The following RAC2 variants were observed in gnomAD, a reference collection of about 807,000 sequenced individuals.
RAC2 encodes the protein ras-related C3 botulinum toxin substrate 2.
In RAC2, 1 loss-of-function variant was observed where a neutral mutation model predicts 24.0. The observed-to-expected ratio is 0.04, with a 90% CI of 0.01 to 0.20. RAC2 has a LOEUF of 0.20. Among genes scored for constraint, RAC2 ranks in the 10% least tolerant of loss-of-function variants. The pLI, the probability that RAC2 is intolerant of heterozygous loss-of-function variation, is 1.00. For synonymous variants in RAC2, 114 were observed against 106.8 expected (o/e 1.07, Z -0.41); for missense variants, 130 against 259.1 (o/e 0.50, Z 3.42).
chr22:37,228,881 C>T (rs566576378), intron 5 of RAC2, among the ~76,000 whole-genome samples: 36 of 152,202 alleles, frequency 2.4e-4, no homozygotes, highest in Non-Finnish European at 4.0e-4. Flanking sequence ...CTCCCCTCTA[C>T]CTGGAGGCAT....
rs962949440 is a variant in RAC2, at chr22:37,225,534, G to C, written c.*508C>G. Reference sequence around the variant, plus strand: ...TTCCAAAAGAGGAGAACTGAGGCCAGAGGAGCACACTTCTGAGACACTCAT... The same window carrying C: ...TTCCAAAAGAGGAGAACTGAGGCCACAGGAGCACACTTCTGAGACACTCAT... On this transcript the variant is annotated 3_prime_UTR_variant, in exon 7 of 7. Coordinates refer to ENST00000249071, the MANE Select transcript of RAC2 (RefSeq NM_002872.5). 3.9e-5 allele frequency: 6 copies of C among 152,216 alleles called. No individual in the cohort carries two copies. Among genetic ancestry groups the C allele is most frequent in the African/African-American group, 1.4e-4 (6 of 41,432 alleles). 9.4% of individuals were successfully genotyped at this position (152,216 alleles called of 1,614,324 possible). A position where few individuals can be genotyped will look rare whatever the true frequency, so the allele number is the denominator to read the frequency against.
chr22:37,242,871 T>G (rs1050559893), intron 1 of RAC2, among the ~76,000 whole-genome samples: 5 of 152,222 alleles, frequency 3.3e-5, no homozygotes, highest in Non-Finnish European at 7.3e-5. Context: ...GCTGCTCCTC[T>G]GTAGAATGGG....
rs1927047088 is a variant in RAC2, at chr22:37,231,161, AATC to A, written c.448+67_448+69del. ...GCCTGGCCCTGCAGCCCGTGTTTAC[AATC>A]ACACCACGAGGCCAAGTCAGGGCCT... is the stretch of plus-strand genomic sequence containing the variant. On this transcript the variant is annotated intron_variant, in intron 5 of 6. Transcript: ENST00000249071. This position sits in a 1 kb window ranked among gnomAD's most constrained non-coding sequence, Gnocchi z 5.5. 11 of 1,579,238 alleles carry A rather than the reference AATC, an allele frequency of 7.0e-6. No individual in the cohort carries two copies. In the South Asian group the frequency reaches 1.2e-4, roughly 17 times the overall value.
intron 2 of RAC2, among the ~76,000 whole-genome samples, chr22:37,236,287 A>G (rs533410453): frequency 6.6e-6 from 1 of 152,330 alleles, no homozygotes; most frequent in East Asian, 1.9e-4. Context: ...CCAGAGGACC[A>G]GAGGGACAGG....
At chr22:37,241,549 C>T in intron 2 of RAC2, 38 bp downstream of exon 2, 3 of 1,587,646 alleles carry the variant, frequency 1.9e-6, no homozygotes, top group Non-Finnish European at 8.6e-7. Context: ...ACGGTCTCTC[C>T]CCTCCTCCCA....
Position 37,231,073 on chromosome 22 carries a change from G to A in RAC2, c.448+158C>T, listed in dbSNP as rs1428929098. 6.6e-6 allele frequency among the ~76,000 whole-genome samples: 1 copy of A among 152,192 alleles called. No individual in the cohort carries two copies. The highest frequency in any genetic ancestry group is 1.5e-5 in the Non-Finnish European group (1 of 68,042). On this transcript the variant is annotated intron_variant, in intron 5 of 6. Transcript: ENST00000249071. The surrounding 1 kb of genome is among the most constrained non-coding windows in gnomAD (Gnocchi z 5.5). ...TGATAAGGAAACACAGGCAGAGAGAGGCTACGTGACTCGCCCAAGGTCACA... is the reference window on the plus strand; with the variant it reads ...TGATAAGGAAACACAGGCAGAGAGAAGCTACGTGACTCGCCCAAGGTCACA...
chr22:37,228,761 C>G (rs931037314), intron 5 of RAC2, among the ~76,000 whole-genome samples: 2 of 152,142 alleles, frequency 1.3e-5, no homozygotes, highest in African/African-American at 4.8e-5. Context: ...GCCCCTGGAA[C>G]AGGGGAGCCC....
Position 37,231,921 on chromosome 22 carries a change from G to A in RAC2, c.288+11C>T, listed in dbSNP as rs1285700665. 7 of 1,551,682 alleles carry A rather than the reference G, an allele frequency of 4.5e-6. No homozygotes were observed. Among genetic ancestry groups the A allele is most frequent in the Admixed American group, 2.0e-5 (1 of 51,022 alleles). On this transcript the variant is annotated intron_variant, in intron 4 of 6. Coordinates refer to ENST00000249071, the MANE Select transcript of RAC2 (RefSeq NM_002872.5). The surrounding 1 kb of genome is among the most constrained non-coding windows in gnomAD (Gnocchi z 5.5). ...CCCCAGAGCCCCCAAGGCCCACCCT[G>A]TCCAGCTCACCTTGGCGCGGACGTT...
intron 3 of RAC2, 39 bp from the exon 4 acceptor site, chr22:37,232,033 C>A: frequency 6.5e-7 from 1 of 1,547,510 alleles, no homozygotes; most frequent in African/African-American, 1.4e-5. Flanking sequence ...TGAGGAGGGC[C>A]CAGAGGTGTC....
intron 5 of RAC2, among the ~76,000 whole-genome samples, chr22:37,230,549 A>T (rs188701388): frequency 3.9e-5 from 6 of 152,104 alleles, no homozygotes; most frequent in African/African-American, 1.4e-4. Flanking sequence ...CACTACAAAG[A>T]AGCACCCCCC....
chr22:37,235,509 G>A (rs1416520776), intron 2 of RAC2, among the ~76,000 whole-genome samples: 1 of 152,162 alleles, frequency 6.6e-6, no homozygotes, highest in Non-Finnish European at 1.5e-5. Flanking sequence ...ACTCCTTGGG[G>A]AACTCAGCAT....
intron 5 of RAC2, among the ~76,000 whole-genome samples, chr22:37,229,836 C>T (rs748246707): frequency 3.3e-5 from 5 of 152,172 alleles, no homozygotes; most frequent in Non-Finnish European, 7.4e-5. Flanking sequence ...CAGAGAGGGG[C>T]AGCCACTAAC....
chr22:37,230,689 A>C (rs1232117135), intron 5 of RAC2, among the ~76,000 whole-genome samples: 1 of 152,094 alleles, frequency 6.6e-6, no homozygotes, highest in African/African-American at 2.4e-5. Context: ...CGAGCTGAGA[A>C]ACCAAAGGGA....
chr22:37,241,671 A>T lies in RAC2; in HGVS notation c.36-13T>A. ...CTTGCCCACGGCCCTGAAAGACAGG[A>T]AGTGCAAGAGGGCGGCGGTCATGGG... On this transcript the variant is annotated splice_polypyrimidine_tract_variant and intron_variant, in intron 1 of 6. Transcript: ENST00000249071. The T allele has an allele frequency of 6.2e-7, 1 of 1,612,742 alleles. No homozygotes were observed. Among genetic ancestry groups the T allele is most frequent in the Admixed American group, 1.7e-5 (1 of 60,030 alleles).
chr22:37,230,765 C>G (rs2145823042), intron 5 of RAC2, among the ~76,000 whole-genome samples: 1 of 152,214 alleles, frequency 6.6e-6, no homozygotes, highest in Non-Finnish European at 1.5e-5. Flanking sequence ...AATGCAGCGC[C>G]ACCTCCTCCA....
At chr22:37,237,221 A>AAGGGAGGG (rs1569091356) in intron 2 of RAC2, among the ~76,000 whole-genome samples, 7 of 125,222 alleles carry the variant, frequency 5.6e-5, no homozygotes, top group African/African-American at 2.1e-4. Flanking sequence ...GGGAGGGAGG[A>AAGGGAGGG]AGGGAGGGAG....
At chr22:37,232,140 T>G in intron 3 of RAC2, 146 bp from the exon 4 acceptor site, 2 of 820,584 alleles carry the variant, frequency 2.4e-6, no homozygotes, top group Non-Finnish European at 2.0e-6. Context: ...AGAGCAGAGA[T>G]ACCCTTCTCG....
rs1166276373 is a variant in RAC2 at position 37,231,776 on chromosome 22, CCCT to C, written c.288+153_288+155del. 1.3e-5 allele frequency among the ~76,000 whole-genome samples: 2 copies of C among 151,930 alleles called. No individual in the cohort carries two copies. The highest frequency in any genetic ancestry group is 2.9e-5 in the Non-Finnish European group (2 of 67,970). ...CACCCCAGGTCCTCTGAATCTTACC[CCCT>C]CAAGTCCCTCTGCCAGCCCTGGTTG... On this transcript the variant is annotated intron_variant, in intron 4 of 6. Coordinates refer to ENST00000249071, the MANE Select transcript of RAC2 (RefSeq NM_002872.5). The surrounding 1 kb of genome is among the most constrained non-coding windows in gnomAD (Gnocchi z 5.5).
At position 37,231,453 on chromosome 22, in the gene RAC2, G is replaced by T; in HGVS notation, c.289-63C>A. 6.7e-7 allele frequency: 1 copy of T among 1,501,582 alleles called. No homozygotes were observed. Among genetic ancestry groups the T allele is most frequent in the South Asian group, 1.1e-5 (1 of 88,836 alleles). The allele number at this position is 1,501,582 out of a possible 1,614,324, so 93.0% of individuals were successfully genotyped here. A position where few individuals can be genotyped will look rare whatever the true frequency, so the allele number is the denominator to read the frequency against. ...TCAAGAGGGGGCGCGAGGCTGTGCG[G>T]GGATCAGAGGGAGTGTGAGGGTGTA... On this transcript the variant is annotated intron_variant, in intron 4 of 6. Transcript: ENST00000249071. The surrounding 1 kb of genome is among the most constrained non-coding windows in gnomAD (Gnocchi z 5.5).
Sources: gnomAD v4.1 joint callset for allele counts (sites outside exome capture counted in the v4.1 genomes callset) on GRCh38, gnomAD v4.1.1 for gene constraint, Gnocchi (gnomAD v3.1) non-coding constraint, MANE v1.5 for transcripts, NCBI Gene and HGNC (gene_info 2026-07-23, HGNC 2026-07-21) for gene names.